Variants in JUP observed in about 807,000 individuals in gnomAD.
The protein encoded by JUP is catenin (cadherin-associated protein), gamma 80kDa.
In JUP, 28 loss-of-function variants were observed where a neutral mutation model predicts 71.1. The observed-to-expected ratio is 0.39, with a 90% CI of 0.29 to 0.54. The LOEUF (loss-of-function observed/expected upper bound fraction) is 0.54, where lower values mean the gene tolerates loss of function less well. JUP is among the 20% of genes least tolerant of loss of function. JUP has a pLI of 0.62. For missense variants in JUP, 869 were observed against 1,030.1 expected (o/e 0.84, Z 2.14); for synonymous variants, 401 against 438.9 (o/e 0.91, Z 1.08).
In JUP at chr17:41,757,588, G is replaced by A. The variant is rs782816091; in HGVS notation, c.1924+46C>T. The A allele has an allele frequency of 1.7e-5, 28 of 1,613,980 alleles. No homozygotes were observed. The South Asian group carries it at 1.8e-4, about 10-fold the overall frequency. On this transcript the variant is annotated intron_variant, in intron 11 of 13. Transcript: ENST00000393931. ...GGTTAAACGTCGGCCAGCCTCCATC[G>A]TGGCTGGGGGAGTGGGACCCAGCCT...
intron 8 of JUP, among the ~76,000 whole-genome samples, chr17:41,760,290 C>T (rs1194445771): frequency 2.6e-5 from 4 of 151,640 alleles, no homozygotes; most frequent in Non-Finnish European, 5.9e-5. Flanking sequence ...GAGTCTCGCT[C>T]TGTCGCCCAG....
chr17:41,767,856 C>T (rs1259045240), intron 4 of JUP, among the ~76,000 whole-genome samples: 3 of 152,204 alleles, frequency 2.0e-5, no homozygotes, highest in Non-Finnish European at 4.4e-5. Flanking sequence ...AGACACTGAT[C>T]CCTACTAAGT....
Position 41,783,115 on chromosome 17 carries a change from C to T in JUP, c.-9+3473G>A, listed in dbSNP as rs530248997. On this transcript the variant is annotated intron_variant, in intron 1 of 13. Transcript: ENST00000393931. ...CCATCTCAAAAAAAAAAAAAAAATC[C>T]TTTCCAGAGCTGCATGGGGCAATAC... Among the ~76,000 whole-genome samples, 79 of 146,092 alleles carry T rather than the reference C, an allele frequency of 5.4e-4. 1 individual carries two copies. The highest frequency in any genetic ancestry group is 1.8e-3 in the African/African-American group (68 of 38,374).
In JUP at chr17:41,755,314, G is replaced by A. The variant is rs151004296; in HGVS notation, c.*430C>T. 1.1e-4 allele frequency: 46 copies of A among 401,494 alleles called. No homozygotes were observed. The highest frequency in any genetic ancestry group is 6.2e-4 in the African/African-American group (30 of 48,740). 24.9% of individuals were successfully genotyped at this position (401,494 alleles called of 1,614,324 possible). A position where few individuals can be genotyped will look rare whatever the true frequency, so the allele number is the denominator to read the frequency against. On this transcript the variant is annotated 3_prime_UTR_variant, in exon 14 of 14. Transcript: ENST00000393931. Reference sequence around the variant, plus strand: ...AACACTATCCCAAGAAAGACCCTACGGAGGACCTCTGGAGGCGCAGGGTGC... The same window carrying A: ...AACACTATCCCAAGAAAGACCCTACAGAGGACCTCTGGAGGCGCAGGGTGC...
At chr17:41,769,377 C>G (rs782322878) in intron 3 of JUP, 41 bp downstream of exon 3, 5 of 1,590,234 alleles carry the variant, frequency 3.1e-6, no homozygotes, top group Non-Finnish European at 4.3e-6. Context: ...GCTCTCTCCC[C>G]TCCCTGCCCA....
chr17:41,775,085 A>G (rs2046818135), intron 1 of JUP, among the ~76,000 whole-genome samples: 1 of 151,464 alleles, frequency 6.6e-6, no homozygotes, highest in African/African-American at 2.4e-5. Flanking sequence ...CCTGGCTGAC[A>G]ACAGAGCAAG....
chr17:41,768,385 G>A (rs981961137), intron 4 of JUP, among the ~76,000 whole-genome samples: 3 of 131,868 alleles, frequency 2.3e-5, no homozygotes, highest in South Asian at 2.6e-4. Context: ...GGCAACAGGA[G>A]GAAAACTCCA....
intron 1 of JUP, among the ~76,000 whole-genome samples, chr17:41,785,400 C>G (rs1428129694): frequency 6.6e-6 from 1 of 152,120 alleles, no homozygotes; most frequent in African/African-American, 2.4e-5. Context: ...TGTGGTGGTC[C>G]CAGGAGGCAG....
chr17:41,756,092 G>A (rs1164999286), intron 13 of JUP, 83 bp downstream of exon 13: 17 of 1,434,864 alleles, frequency 1.2e-5, no homozygotes, highest in South Asian at 3.5e-5. Context: ...CTCTGGCCCC[G>A]GAGACATAAT....
intron 1 of JUP, among the ~76,000 whole-genome samples, chr17:41,782,087 G>A (rs932939541): frequency 1.4e-4 from 22 of 152,134 alleles, no homozygotes; most frequent in Non-Finnish European, 2.8e-4. Flanking sequence ...TCAGTACTCC[G>A]GCTGCACCAT....
intron 1 of JUP, among the ~76,000 whole-genome samples, chr17:41,774,490 C>G (rs1427969949): frequency 6.6e-6 from 1 of 151,980 alleles, no homozygotes; most frequent in Non-Finnish European, 1.5e-5. Context: ...TGCACCACCA[C>G]GCCTGGCTAA....
At position 41,767,522 on chromosome 17, in the gene JUP, AC is replaced by A; in HGVS notation, c.765del (p.Tyr256ThrfsTer49). 6.2e-7 allele frequency: 1 copy of A among 1,612,764 alleles called. No homozygotes were observed. The highest frequency in any genetic ancestry group is 8.5e-7 in the Non-Finnish European group (1 of 1,179,368). On this transcript the variant is annotated frameshift_variant, in exon 5 of 14. Coordinates refer to ENST00000393931, the MANE Select transcript of JUP (RefSeq NM_002230.4). LOFTEE classifies it high-confidence loss of function. ...ACGGCCATCTTGGCGCCCTCCTGGT[AC>A]AGGAGCAGGTTGTGCAGCGTGGTGA... is the stretch of plus-strand genomic sequence containing the variant. ...YAITTLHNLLLYQEGAKMAVR... is the reference protein window; with the variant it reads ...YAITTLHNLLXYQEGAKMAVR...
In JUP at chr17:41,757,617, GC is replaced by G; in HGVS notation, c.1924+16del. 1 of 1,613,844 alleles carries G rather than the reference GC, an allele frequency of 6.2e-7. No homozygotes were observed. The highest frequency in any genetic ancestry group is 8.5e-7 in the Non-Finnish European group (1 of 1,179,864). On this transcript the variant is annotated intron_variant, in intron 11 of 13. Coordinates refer to ENST00000393931, the MANE Select transcript of JUP (RefSeq NM_002230.4). ...CTGGGGGAGTGGGACCCAGCCTCCT[GC>G]CCTCCCCCAGCTCACCAGTGCCCTC...
chr17:41,767,694 T>A, intron 4 of JUP, 114 bp from the exon 5 acceptor site: 1 of 795,136 alleles, frequency 1.3e-6, no homozygotes, highest in Non-Finnish European at 2.0e-6. Flanking sequence ...GACGCCCCTC[T>A]GGAAATATCC....
At position 41,769,090 on chromosome 17, in the gene JUP, T is replaced by G; in HGVS notation, c.586A>C (p.Thr196Pro). The G allele has an allele frequency of 6.2e-7, 1 of 1,613,110 alleles. No individual in the cohort carries two copies. The highest frequency in any genetic ancestry group is 8.5e-7 in the Non-Finnish European group (1 of 1,179,942). The change falls in exon 4 of 14, where the codon ACC (threonine) becomes CCC (proline). Residue 196 changes from threonine to proline, a missense_variant. Physicochemically the swap from Thr to Pro is conservative, Grantham distance 38 (BLOSUM62 -1). Coordinates refer to ENST00000393931, the MANE Select transcript of JUP (RefSeq NM_002230.4). ...VAAVVRTMQN[T>P]SDLDTARCTT... ...CAGCGGGCTGTGTCCAGGTCGCTGG[T>G]ATTCTGCATGGTACGCACGACAGCG...
rs1555604576 is a variant in JUP, at chr17:41,767,517, C to T, written c.771G>A (p.Gln257=). ...GGCGCACGGCCATCTTGGCGCCCTC[C>T]TGGTACAGGAGCAGGTTGTGCAGCG... The part of the protein sequence containing the change: ...ITTLHNLLLY[Q]EGAKMAVRLA... Residue 257 remains glutamine (Q), a synonymous_variant, in exon 5 of 14, where the codon CAG becomes CAA. Transcript: ENST00000393931. The T allele has an allele frequency of 6.2e-7, 1 of 1,604,386 alleles. No individual in the cohort carries two copies. The highest frequency in any genetic ancestry group is 1.7e-5 in the Admixed American group (1 of 59,692).
chr17:41,779,777 C>G (rs1040804618), intron 1 of JUP, among the ~76,000 whole-genome samples: 1 of 151,786 alleles, frequency 6.6e-6, no homozygotes, highest in African/African-American at 2.4e-5. Context: ...GCAATCCTTC[C>G]GCCTCAGCCT....
Position 41,757,769 on chromosome 17 carries a change from C to G in JUP, c.1789G>C (p.Val597Leu), listed in dbSNP as rs1555599018. ...GCAGCCACGCGCTGGATGTTCTCCA[C>G]CGACGAGTACAGGAGCTGGGGAGAG... ...PLFVQLLYSS[V>L]ENIQRVAAGV... The change falls in exon 11 of 14, where the codon GTG becomes CTG. Residue 597 changes from valine to leucine, a missense_variant. Transcript: ENST00000393931. The G allele has an allele frequency of 6.2e-7, 1 of 1,610,748 alleles. No homozygotes were observed. The highest frequency in any genetic ancestry group is 1.1e-5 in the South Asian group (1 of 90,516).
intron 1 of JUP, among the ~76,000 whole-genome samples, chr17:41,781,766 A>G (rs1175539862): frequency 6.6e-6 from 1 of 152,212 alleles, no homozygotes; most frequent in African/African-American, 2.4e-5. Flanking sequence ...TCATCAGAGA[A>G]GAGTCAATGC....
Sources: gnomAD v4.1 joint callset for allele counts (sites outside exome capture counted in the v4.1 genomes callset) on GRCh38, gnomAD v4.1.1 for gene constraint, MANE v1.5 for transcripts, NCBI Gene and HGNC (gene_info 2026-07-23, HGNC 2026-07-21) for gene names.